Variants in ZFAT observed in about 807,000 individuals in gnomAD.
ZFAT encodes the protein zinc finger protein ZFAT.
Under a neutral mutation model 117.7 loss-of-function variants are expected in ZFAT, and 64 were observed. The observed-to-expected ratio is 0.54, with a 90% confidence interval of 0.44 to 0.67. The LOEUF (loss-of-function observed/expected upper bound fraction) is 0.67, where lower values mean the gene tolerates loss of function less well. Ranked by LOEUF, ZFAT falls within the 30% of genes least tolerant of loss-of-function variation. ZFAT has a pLI of 0.00. For synonymous variants in ZFAT, 679 were observed against 615.0 expected (o/e 1.10, Z -1.54); for missense variants, 1,433 against 1,584.5 (o/e 0.90, Z 1.62).
At chr8:134,586,436 G>A (rs1826073181) in intron 9 of ZFAT, among the ~76,000 whole-genome samples, 2 of 152,218 alleles carry the variant, frequency 1.3e-5, no homozygotes, top group Non-Finnish European at 2.9e-5. Context: ...AGTTTCGAGA[G>A]ATGGAATTAT....
the ZFAT span, among the ~76,000 whole-genome samples, chr8:134,748,302 G>C: frequency 6.6e-6 from 1 of 152,104 alleles, no homozygotes; most frequent in Admixed American, 6.5e-5. Flanking sequence ...TAGGTTTATT[G>C]CCTGAGGATG....
chr8:134,804,967 T>G, the ZFAT span: 1 of 532,210 alleles, frequency 1.9e-6, no homozygotes, highest in Non-Finnish European at 3.9e-6. Flanking sequence ...ACAAGAAATT[T>G]AAGAGGAGGA....
chr8:134,778,110 T>C, the ZFAT span, among the ~76,000 whole-genome samples: 7 of 152,224 alleles, frequency 4.6e-5, no homozygotes, highest in African/African-American at 1.7e-4. Context: ...TCAGCTAAAA[T>C]GTTTCTATAA....
intron 1 of ZFAT, among the ~76,000 whole-genome samples, chr8:134,685,438 A>C (rs1833273771): frequency 6.6e-6 from 1 of 152,142 alleles, no homozygotes; most frequent in African/African-American, 2.4e-5. Context: ...GGGACATTTC[A>C]AATGATTAAT....
the ZFAT span, among the ~76,000 whole-genome samples, chr8:134,737,446 C>A: frequency 6.6e-6 from 1 of 152,192 alleles, no homozygotes; most frequent in African/African-American, 2.4e-5. Context: ...AGCCCAAATG[C>A]TGTTGCTCTT....
At chr8:134,734,074 G>A in the ZFAT span, among the ~76,000 whole-genome samples, 2 of 152,304 alleles carry the variant, frequency 1.3e-5, no homozygotes, top group African/African-American at 4.8e-5. Context: ...TCAGGACGCC[G>A]TTATTAAGGG....
chr8:134,615,189 C>T (rs1028662359), intron 3 of ZFAT, among the ~76,000 whole-genome samples: 1 of 152,120 alleles, frequency 6.6e-6, no homozygotes, highest in Non-Finnish European at 1.5e-5. Flanking sequence ...TAAGGTGGAA[C>T]CAGTGCTCTG....
At chr8:134,573,300 C>A (rs12550409) in intron 10 of ZFAT, among the ~76,000 whole-genome samples, 2 of 151,792 alleles carry the variant, frequency 1.3e-5, no homozygotes, top group Non-Finnish European at 2.9e-5. Context: ...ATTTAAAAAA[C>A]GTAAAAATAA....
chr8:134,565,195 TCCACGTGTA>T, intron 11 of ZFAT, 129 bp downstream of exon 11: 1 of 1,539,096 alleles, frequency 6.5e-7, no homozygotes, highest in South Asian at 1.2e-5. Context: ...TGCCTCAGAC[TCCACGTGTA>T]CCAGCTAAGG....
intron 15 of ZFAT, among the ~76,000 whole-genome samples, chr8:134,492,208 C>G (rs1316293858): frequency 6.6e-6 from 1 of 152,156 alleles, no homozygotes; most frequent in Non-Finnish European, 1.5e-5. Flanking sequence ...TTGCCCAGCC[C>G]TGCATGTGAC....
At chr8:134,536,702 T>C (rs1821867278) in intron 11 of ZFAT, among the ~76,000 whole-genome samples, 1 of 152,236 alleles carries the variant, frequency 6.6e-6, no homozygotes, top group Admixed American at 6.5e-5. Context: ...CTGACTGTCC[T>C]CTGACCCCCA....
intron 11 of ZFAT, among the ~76,000 whole-genome samples, chr8:134,562,221 G>C (rs539942488): frequency 1.0e-3 from 156 of 152,290 alleles, no homozygotes; most frequent in Non-Finnish European, 1.8e-3. Context: ...GAAATGCAAG[G>C]AAGTGAATTT....
chr8:134,660,951 A>AGC (rs1831894370), intron 1 of ZFAT, among the ~76,000 whole-genome samples: 2 of 152,246 alleles, frequency 1.3e-5, no homozygotes, highest in South Asian at 4.1e-4. Flanking sequence ...GCATTAACAC[A>AGC]TGTGTCTGTG....
upstream of ZFAT, chr8:134,713,167 T>C (rs1814096266): frequency 1.0e-5 from 3 of 293,688 alleles, no homozygotes. Context: ...AGGCCGTGCT[T>C]TTTATCCCAC....
At chr8:134,588,439 G>A in intron 8 of ZFAT, 44 bp from the exon 9 acceptor site, 2 of 1,525,370 alleles carry the variant, frequency 1.3e-6, no homozygotes, top group African/African-American at 1.4e-5. Context: ...AGCACCTCAG[G>A]GGAAGTTAGA....
chr8:134,524,725 A>G (rs538327888), intron 12 of ZFAT, among the ~76,000 whole-genome samples: 6 of 152,338 alleles, frequency 3.9e-5, no homozygotes, highest in Admixed American at 3.9e-4. Flanking sequence ...GCCTCACACC[A>G]TAGCATGCTG....
At chr8:134,607,158 G>A (rs4909311) in intron 5 of ZFAT, among the ~76,000 whole-genome samples, 30 of 152,138 alleles carry the variant, frequency 2.0e-4, no homozygotes, top group African/African-American at 6.5e-4. Context: ...GAACCTCCCC[G>A]CCAACAGACC....
rs747865315 is a variant in ZFAT, at chr8:134,552,565, C to A, written c.2976+12768G>T. 1.3e-4 allele frequency among the ~76,000 whole-genome samples: 20 copies of A among 152,188 alleles called. 1 individual carries two copies. Among genetic ancestry groups the A allele is most frequent in the Admixed American group, 9.2e-4 (14 of 15,284 alleles). On this transcript the variant is annotated intron_variant, in intron 11 of 15. Coordinates refer to ENST00000377838, the MANE Select transcript of ZFAT (RefSeq NM_020863.4). Reference sequence around the variant, plus strand: ...GAAGATTCAATTGCATTTAGAGATACATCAAACATAAACTTTAAATAGTGT... The same window carrying A: ...GAAGATTCAATTGCATTTAGAGATAAATCAAACATAAACTTTAAATAGTGT...
At chr8:134,573,559 A>G (rs189381873) in intron 10 of ZFAT, among the ~76,000 whole-genome samples, 100 of 152,316 alleles carry the variant, frequency 6.6e-4, no homozygotes, top group African/African-American at 2.3e-3. Flanking sequence ...CACTGCAGAC[A>G]CCGCAGCTCT....
Sources: gnomAD v4.1 joint callset for allele counts (sites outside exome capture counted in the v4.1 genomes callset) on GRCh38, gnomAD v4.1.1 for gene constraint, MANE v1.5 for transcripts, NCBI Gene and HGNC (gene_info 2026-07-23, HGNC 2026-07-21) for gene names.